Variants in POLR2I observed in about 807,000 individuals in gnomAD.
POLR2I encodes RNA polymerase II subunit I.
POLR2I carries 15 observed loss-of-function variants against 23.0 expected under a neutral mutation model. The observed-to-expected ratio is 0.65, with a 90% CI of 0.44 to 1.00. POLR2I has a LOEUF of 1.00. Among genes scored for constraint, POLR2I ranks in the 50% least tolerant of loss-of-function variants. The pLI is 0.00. For synonymous variants in POLR2I, 72 were observed against 65.4 expected (o/e 1.10, Z -0.49); for missense variants, 120 against 173.7 (o/e 0.69, Z 1.74).
In POLR2I at chr19:36,114,152, T is replaced by C; in HGVS notation, c.263+25A>G. ...GTGAGGAGACGAGCCTCACTTTACC[T>C]CCCCAGTACCAGCTGAACGCTCACT... is the stretch of plus-strand genomic sequence containing the variant. On this transcript the variant is annotated intron_variant, in intron 4 of 5. Transcript: ENST00000221859. The surrounding 1 kb of genome is among the most constrained non-coding windows in gnomAD (Gnocchi z 4.5). 6.2e-7 allele frequency: 1 copy of C among 1,613,752 alleles called. No individual in the cohort carries two copies. Among genetic ancestry groups the C allele is most frequent in the Non-Finnish European group, 8.5e-7 (1 of 1,179,836 alleles).
chr19:36,114,739 G>A lies in POLR2I; in HGVS notation c.60-26C>T, dbSNP rs1216031156. On this transcript the variant is annotated intron_variant, in intron 1 of 5. Coordinates refer to ENST00000221859, the MANE Select transcript of POLR2I (RefSeq NM_006233.5). This position sits in a 1 kb window ranked among gnomAD's most constrained non-coding sequence, Gnocchi z 4.5. ...CTGTGGGGAGGGGGAGGTGCCAGGG[G>A]TTAGTTCTGGAGCCATTCCTCGCCC... 1.9e-6 allele frequency: 3 copies of A among 1,613,380 alleles called. No homozygotes were observed. The highest frequency in any genetic ancestry group is 2.5e-6 in the Non-Finnish European group (3 of 1,179,320).
chr19:36,113,937 G>A (rs1291105596), intron 5 of POLR2I, 78 bp downstream of exon 5: 6 of 1,580,160 alleles, frequency 3.8e-6, no homozygotes, highest in Non-Finnish European at 5.2e-6. Flanking sequence ...GAAGCGCAGG[G>A]TCACCCACAT....
chr19:36,114,546 G>C lies in POLR2I; in HGVS notation c.114+113C>G, dbSNP rs938939461. 4 of 1,311,554 alleles carry C rather than the reference G, an allele frequency of 3.0e-6. No homozygotes were observed. In the African/African-American group the frequency reaches 5.8e-5, roughly 19 times the overall value. 81.2% of individuals were successfully genotyped at this position (1,311,554 alleles called of 1,614,324 possible). A position where few individuals can be genotyped will look rare whatever the true frequency, so the allele number is the denominator to read the frequency against. On this transcript the variant is annotated intron_variant, in intron 2 of 5. Coordinates refer to ENST00000221859, the MANE Select transcript of POLR2I (RefSeq NM_006233.5). The surrounding 1 kb of genome is among the most constrained non-coding windows in gnomAD (Gnocchi z 4.5). ...GGGATGGGCAGGACATGAGAGTCAG[G>C]ATCACTTGAGGTGCAGCGGAGGGCG...
rs533290416 is a variant in POLR2I at position 36,114,577 on chromosome 19, G to C, written c.114+82C>G. 8,156 of 1,404,990 alleles carry C rather than the reference G, an allele frequency of 5.8e-3. 27 individuals are homozygous for C. The highest frequency in any genetic ancestry group is 7.7e-3 in the Non-Finnish European group (7,765 of 1,002,278). The allele number at this position is 1,404,990 out of a possible 1,614,324, so 87.0% of individuals were successfully genotyped here. The stretch of plus-strand genomic sequence containing the variant: ...TTGAGGTGCAGCGGAGGGCGAACAG[G>C]GAGTCCGATCACAGAGGCAGGGGGC... On this transcript the variant is annotated intron_variant, in intron 2 of 5. Transcript: ENST00000221859. This position sits in a 1 kb window ranked among gnomAD's most constrained non-coding sequence, Gnocchi z 4.5.
In POLR2I at chr19:36,114,837, T is replaced by C. The variant is rs773276065; in HGVS notation, c.20A>G (p.Tyr7Cys). Residue 7 changes from tyrosine to cysteine, a missense_variant, in exon 1 of 6, where the codon TAC (tyrosine) becomes TGC (cysteine). Transcript: ENST00000221859. The surrounding 1 kb of genome is among the most constrained non-coding windows in gnomAD (Gnocchi z 4.5). The part of the protein sequence containing the change: MEPDGT[Y>C]EPGFVGIRFC... ...GCGAATACCCACGAAGCCCGGCTCG[T>C]AAGTCCCGTCGGGCTCCATGGCGAC... is the stretch of plus-strand genomic sequence containing the variant. 2 of 1,613,870 alleles carry C rather than the reference T, an allele frequency of 1.2e-6. No individual in the cohort carries two copies. Among genetic ancestry groups the C allele is most frequent in the African/African-American group, 1.3e-5 (1 of 74,940 alleles).
rs1973908216 is a variant in POLR2I, at chr19:36,114,607, C to T, written c.114+52G>A. On this transcript the variant is annotated intron_variant, in intron 2 of 5. Transcript: ENST00000221859. This position sits in a 1 kb window ranked among gnomAD's most constrained non-coding sequence, Gnocchi z 4.5. ...CCGATCACAGAGGCAGGGGGCAGGGCGGGGCCACGCTGGGAACAGGTGGAC... is the reference window on the plus strand; with the variant it reads ...CCGATCACAGAGGCAGGGGGCAGGGTGGGGCCACGCTGGGAACAGGTGGAC... The T allele has an allele frequency of 2.6e-6, 4 of 1,547,342 alleles. No individual in the cohort carries two copies. In the South Asian group the frequency reaches 3.5e-5, roughly 13 times the overall value.
At chr19:36,113,860 A>G (rs1973889439) in intron 5 of POLR2I, 43 bp from the exon 6 acceptor site, 1 of 1,606,656 alleles carries the variant, frequency 6.2e-7, no homozygotes, top group African/African-American at 1.3e-5. Flanking sequence ...TGGACCCAGC[A>G]GCGCCTTACC....
rs1269018356 is a variant in POLR2I at position 36,114,200 on chromosome 19, C to G, written c.240G>C (p.Arg80=). Residue 80 remains arginine (R), a synonymous_variant, in exon 4 of 6, where the codon CGG becomes CGC. Coordinates refer to ENST00000221859, the MANE Select transcript of POLR2I (RefSeq NM_006233.5). This position sits in a 1 kb window ranked among gnomAD's most constrained non-coding sequence, Gnocchi z 4.5. ...ADVSQDPTLP[R]TEDHPCQKCG... is the part of the protein sequence containing the mutation. ...ACTTTTGGCACGGGTGGTCCTCGGTCCGCGGCAACGTGGGGTCCTGGGACA... is the reference window on the plus strand; with the variant it reads ...ACTTTTGGCACGGGTGGTCCTCGGTGCGCGGCAACGTGGGGTCCTGGGACA... 2 of 1,614,006 alleles carry G rather than the reference C, an allele frequency of 1.2e-6. No homozygotes were observed. Among genetic ancestry groups the G allele is most frequent in the African/African-American group, 1.3e-5 (1 of 74,920 alleles).
chr19:36,114,600 G>T lies in POLR2I; in HGVS notation c.114+59C>A. 6.6e-7 allele frequency: 1 copy of T among 1,504,102 alleles called. No individual in the cohort carries two copies. 93.2% of individuals were successfully genotyped at this position (1,504,102 alleles called of 1,614,324 possible). On this transcript the variant is annotated intron_variant, in intron 2 of 5. Coordinates refer to ENST00000221859, the MANE Select transcript of POLR2I (RefSeq NM_006233.5). The surrounding 1 kb of genome is among the most constrained non-coding windows in gnomAD (Gnocchi z 4.5). ...AGGGAGTCCGATCACAGAGGCAGGGGGCAGGGCGGGGCCACGCTGGGAACA... is the reference window on the plus strand; with the variant it reads ...AGGGAGTCCGATCACAGAGGCAGGGTGCAGGGCGGGGCCACGCTGGGAACA...
rs367832263 is a variant in POLR2I, at chr19:36,114,006, G to A, written c.315+9C>T. 6.2e-5 allele frequency: 100 copies of A among 1,613,202 alleles called. No individual in the cohort carries two copies. The African/African-American group carries it at 1.2e-3, about 20-fold the overall frequency. ...CCCCAGATACTTAGAAAGCCCTCGC[G>A]CCACTTACCTCGGCCCGCGCACTGT... On this transcript the variant is annotated intron_variant, in intron 5 of 5. Transcript: ENST00000221859. This position sits in a 1 kb window ranked among gnomAD's most constrained non-coding sequence, Gnocchi z 4.5.
At chr19:36,113,916 CAG>C in intron 5 of POLR2I, 97 bp downstream of exon 5, 1 of 1,577,368 alleles carries the variant, frequency 6.3e-7, no homozygotes, top group African/African-American at 1.3e-5. Context: ...AAGGGCCCGG[CAG>C]AGTTCCAAGA....
In POLR2I at chr19:36,114,638, G is replaced by A. The variant is rs1375543610; in HGVS notation, c.114+21C>T. The A allele has an allele frequency of 1.9e-6, 3 of 1,597,800 alleles. No homozygotes were observed. The highest frequency in any genetic ancestry group is 1.7e-6 in the Non-Finnish European group (2 of 1,168,320). ...CACGCTGGGAACAGGTGGACCTGCC[G>A]GGGAAGACCCCGGCGCTCACCGCGT... On this transcript the variant is annotated intron_variant, in intron 2 of 5. Transcript: ENST00000221859. The surrounding 1 kb of genome is among the most constrained non-coding windows in gnomAD (Gnocchi z 4.5).
intron 5 of POLR2I, 87 bp from the exon 6 acceptor site, chr19:36,113,904 G>A (rs1211062222): frequency 2.3e-5 from 37 of 1,578,088 alleles, no homozygotes; most frequent in Non-Finnish European, 2.8e-5. Context: ...TCACCAATAG[G>A]TAAGGGCCCG....
In POLR2I at chr19:36,114,738, G is replaced by A. The variant is rs564422218; in HGVS notation, c.60-25C>T. 1 of 1,613,332 alleles carries A rather than the reference G, an allele frequency of 6.2e-7. No homozygotes were observed. The highest frequency in any genetic ancestry group is 8.5e-7 in the Non-Finnish European group (1 of 1,179,310). ...ACTGTGGGGAGGGGGAGGTGCCAGG[G>A]GTTAGTTCTGGAGCCATTCCTCGCC... is the stretch of plus-strand genomic sequence containing the variant. On this transcript the variant is annotated intron_variant, in intron 1 of 5. Coordinates refer to ENST00000221859, the MANE Select transcript of POLR2I (RefSeq NM_006233.5). The surrounding 1 kb of genome is among the most constrained non-coding windows in gnomAD (Gnocchi z 4.5).
rs376659596 is a variant in POLR2I at position 36,114,368 on chromosome 19, G to A, written c.159C>T (p.Ile53=). 6 of 1,614,014 alleles carry A rather than the reference G, an allele frequency of 3.7e-6. No homozygotes were observed. The African/African-American group carries it at 4.0e-5, about 11-fold the overall frequency. Reference sequence around the variant, plus strand: ...CTTCGTGCGTGATCTTGTTGACATAGATGCAGCTGTTGTCGGCCTCCTGCT... The same window carrying A: ...CTTCGTGCGTGATCTTGTTGACATAAATGCAGCTGTTGTCGGCCTCCTGCT... ...DYQQEADNSC[I]YVNKITHEVD... Residue 53 remains isoleucine (I), a synonymous_variant, in exon 3 of 6, where the codon ATC becomes ATT. Transcript: ENST00000221859. This position sits in a 1 kb window ranked among gnomAD's most constrained non-coding sequence, Gnocchi z 4.5.
chr19:36,114,277 T>G lies in POLR2I; in HGVS notation c.189-26A>C, dbSNP rs1973900125. ...CTGCAGGGACGCGGGGGTGCAAAAT[T>G]ACGCTCAGACCCAGCCTCCAGAGCC... On this transcript the variant is annotated intron_variant, in intron 3 of 5. Coordinates refer to ENST00000221859, the MANE Select transcript of POLR2I (RefSeq NM_006233.5). This position sits in a 1 kb window ranked among gnomAD's most constrained non-coding sequence, Gnocchi z 4.5. 1 of 1,613,020 alleles carries G rather than the reference T, an allele frequency of 6.2e-7. No homozygotes were observed.
At position 36,113,830 on chromosome 19, in the gene POLR2I, A is replaced by G. The variant is rs1973888413; in HGVS notation, c.316-13T>C. The G allele has an allele frequency of 6.2e-7, 1 of 1,611,756 alleles. No homozygotes were observed. Among genetic ancestry groups the G allele is most frequent in the African/African-American group, 1.3e-5 (1 of 74,842 alleles). On this transcript the variant is annotated splice_polypyrimidine_tract_variant and intron_variant, in intron 5 of 5. Transcript: ENST00000221859. ...GGCGCATGGCGTCCTGGCAGAAATG[A>G]TGCATGGTTAGGAAGGATTTGGACC...
Position 36,113,722 on chromosome 19 carries a change from C to G in POLR2I, c.*33G>C, listed in dbSNP as rs200166261. The G allele has an allele frequency of 3.1e-6, 5 of 1,608,216 alleles. No homozygotes were observed. Among genetic ancestry groups the G allele is most frequent in the African/African-American group, 2.7e-5 (2 of 74,948 alleles). On this transcript the variant is annotated 3_prime_UTR_variant, in exon 6 of 6. Transcript: ENST00000221859. ...AACACAGAAAACTCACGCATGGAAT[C>G]TGGTGTTTATTACACTCGGGGGAGA...
Position 36,114,756 on chromosome 19 carries a change from TC to T in POLR2I, c.59+41del. On this transcript the variant is annotated intron_variant, in intron 1 of 5. Coordinates refer to ENST00000221859, the MANE Select transcript of POLR2I (RefSeq NM_006233.5). The surrounding 1 kb of genome is among the most constrained non-coding windows in gnomAD (Gnocchi z 4.5). ...TGCCAGGGGTTAGTTCTGGAGCCATTCCTCGCCCGCCTTCTAACATCACCCG... is the reference window on the plus strand; with the variant it reads ...TGCCAGGGGTTAGTTCTGGAGCCATTCTCGCCCGCCTTCTAACATCACCCG... 3.1e-6 allele frequency: 5 copies of T among 1,613,812 alleles called. No individual in the cohort carries two copies. Among genetic ancestry groups the T allele is most frequent in the Non-Finnish European group, 3.4e-6 (4 of 1,179,710 alleles).
Sources: allele counts gnomAD v4.1 joint callset, GRCh38; gene constraint gnomAD v4.1.1; non-coding constraint Gnocchi (gnomAD v3.1); transcripts MANE v1.5; gene names NCBI Gene and HGNC (gene_info 2026-07-23, HGNC 2026-07-21).